CC2D1A: variants seen among roughly 807,000 people sequenced by gnomAD.
CC2D1A encodes the protein coiled-coil and C2 domain containing 1A, also known as coiled-coil and C2 domain-containing protein 1A.
In CC2D1A, 68 loss-of-function variants were observed where a neutral mutation model predicts 123.8. That is an observed-to-expected ratio of 0.55 (90% confidence interval 0.45 to 0.67). The LOEUF is 0.67. CC2D1A is among the 30% of genes least tolerant of loss of function. The pLI is 0.00. For synonymous variants in CC2D1A, 477 were observed against 528.0 expected, an observed-to-expected ratio of 0.90 and a Z score of 1.32; for missense variants, 1,185 against 1,290.3, an observed-to-expected ratio of 0.92 and a Z score of 1.25.
In CC2D1A at chr19:13,918,588, G is replaced by C. The variant is rs1340169987; in HGVS notation, c.946+12G>C. 7.4e-6 allele frequency: 12 copies of C among 1,612,104 alleles called. No individual in the cohort carries two copies. The highest frequency in any genetic ancestry group is 9.3e-6 in the Non-Finnish European group (11 of 1,179,514). ...GCCCCCTCCACCCGGTGAGAACCCT[G>C]CCATGCCCACTCTCTGGGATGGTTT... On this transcript the variant is annotated intron_variant, in intron 8 of 28. Transcript: ENST00000318003.
In CC2D1A at chr19:13,919,211, TGCCCCTGTAGGCCTC is replaced by T. The variant is rs771246873; in HGVS notation, c.1222+15_1222+29del. ...ATTGCCCGTGCCCCCAGGTAGGCCTTGCCCCTGTAGGCCTCGCCCCAGTAGGCCCCGCCCCCGTAG... is the reference window on the plus strand; with the variant it reads ...ATTGCCCGTGCCCCCAGGTAGGCCTTGCCCCAGTAGGCCCCGCCCCCGTAG... On this transcript the variant is annotated intron_variant, in intron 11 of 28. Coordinates refer to ENST00000318003, the MANE Select transcript of CC2D1A (RefSeq NM_017721.5). The T allele has an allele frequency of 1.7e-4, 275 of 1,608,104 alleles. 3 individuals are homozygous for T. In the East Asian group the frequency reaches 5.7e-3, roughly 33 times the overall value.
chr19:13,909,906 C>T lies in CC2D1A; in HGVS notation c.144C>T (p.Phe48=). The T allele has an allele frequency of 3.2e-6, 5 of 1,553,840 alleles. No individual in the cohort carries two copies. Among genetic ancestry groups the T allele is most frequent in the Non-Finnish European group, 4.4e-6 (5 of 1,148,712 alleles). Residue 48 remains phenylalanine (F), a synonymous_variant, in exon 2 of 29, where the codon TTC becomes TTT. Transcript: ENST00000318003. ...GANDEELEAE[F]LALVGGQPPA... is the part of the protein sequence containing the mutation. ...ACGATGAAGAACTGGAGGCTGAGTT[C>T]TTGGCTTTGGTCGGGGGCCAGCCCC... is the stretch of plus-strand genomic sequence containing the variant.
chr19:13,927,105 G>A (rs1009223794), intron 21 of CC2D1A, 28 bp downstream of exon 21: 5 of 1,611,782 alleles, frequency 3.1e-6, no homozygotes, highest in Non-Finnish European at 2.5e-6. Context: ...ATGGCCGCTG[G>A]GTGGGCTCCA....
Position 13,926,875 on chromosome 19 carries a change from G to A in CC2D1A, c.2125+3G>A. ...GATCAAGAACACAGACTCCCCTGGTGAGCCTCGGCTGGAAGCACCCTACCC... is the reference window on the plus strand; with the variant it reads ...GATCAAGAACACAGACTCCCCTGGTAAGCCTCGGCTGGAAGCACCCTACCC... On this transcript the variant is annotated splice_donor_region_variant and intron_variant, in intron 20 of 28. Coordinates refer to ENST00000318003, the MANE Select transcript of CC2D1A (RefSeq NM_017721.5). 1.2e-6 allele frequency: 2 copies of A among 1,614,080 alleles called. No individual in the cohort carries two copies. Among genetic ancestry groups the A allele is most frequent in the South Asian group, 2.2e-5 (2 of 91,082 alleles).
In CC2D1A at chr19:13,930,453, G is replaced by C. The variant is rs369214187; in HGVS notation, c.*58G>C. On this transcript the variant is annotated 3_prime_UTR_variant, in exon 29 of 29. Coordinates refer to ENST00000318003, the MANE Select transcript of CC2D1A (RefSeq NM_017721.5). The surrounding 1 kb of genome is among the most constrained non-coding windows in gnomAD (Gnocchi z 6.8). Reference sequence around the variant, plus strand: ...GGGCAGCAGGCCCCGATACCGGGAAGAGCCGACACAGCCACGAACCAGACA... The same window carrying C: ...GGGCAGCAGGCCCCGATACCGGGAACAGCCGACACAGCCACGAACCAGACA... The C allele has an allele frequency of 6.6e-7, 1 of 1,525,588 alleles. No homozygotes were observed. Among genetic ancestry groups the C allele is most frequent in the East Asian group, 2.3e-5 (1 of 42,940 alleles). 94.5% of individuals were successfully genotyped at this position (1,525,588 alleles called of 1,614,324 possible).
chr19:13,926,901 C>T (rs1234131324), intron 20 of CC2D1A, 29 bp downstream of exon 20: 1 of 1,613,296 alleles, frequency 6.2e-7, no homozygotes, highest in East Asian at 2.2e-5. Context: ...CACCCTACCC[C>T]TACTCCCTTG....
rs201665162 is a variant in CC2D1A, at chr19:13,920,642, C to G, written c.1442C>G (p.Ala481Gly). Reference protein sequence around the residue: ...PQSGSAPTAKAPPKATSTRAQ... With the variant: ...PQSGSAPTAKGPPKATSTRAQ... Reference sequence around the variant, plus strand: ...TCGGGATCAGCCCCAACAGCCAAAGCGCCCCCCAAAGCCACATCCACCAGA... The same window carrying G: ...TCGGGATCAGCCCCAACAGCCAAAGGGCCCCCCAAAGCCACATCCACCAGA... The change falls in exon 13 of 29, where the codon GCG (alanine) becomes GGG (glycine). Residue 481 changes from alanine to glycine, a missense_variant. Transcript: ENST00000318003. The G allele has an allele frequency of 4.3e-6, 7 of 1,610,260 alleles. 1 individual carries two copies. The South Asian group carries it at 7.7e-5, about 18-fold the overall frequency.
chr19:13,928,015 G>A lies in CC2D1A; in HGVS notation c.2439G>A (p.Pro813=), dbSNP rs569026220. 1.5e-4 allele frequency: 234 copies of A among 1,613,588 alleles called. 2 individuals carry two copies. The South Asian group carries it at 2.2e-3, about 15-fold the overall frequency. The change falls in exon 23 of 29, where the codon CCG becomes CCA. Residue 813 remains proline (P), a synonymous_variant. Transcript: ENST00000318003. The part of the protein sequence containing the change: ...TERWLVIDPV[P]AAVPTQVAGP... ...GGTGGCTGGTCATTGACCCTGTGCC[G>A]GCAGCTGTGCCCACAGTGAGACCCC...
chr19:13,917,932 C>T, intron 6 of CC2D1A, 138 bp from the exon 7 acceptor site: 2 of 885,552 alleles, frequency 2.3e-6, no homozygotes, highest in Non-Finnish European at 1.6e-6. Flanking sequence ...GATTGCGCCA[C>T]TGTACCCCAG....
intron 11 of CC2D1A, 85 bp downstream of exon 11, chr19:13,919,287 T>A: frequency 2.8e-6 from 3 of 1,069,342 alleles, no homozygotes; most frequent in East Asian, 2.6e-5. Context: ...TGGCAGGCTG[T>A]GCCCCAAGCT....
intron 26 of CC2D1A, 26 bp downstream of exon 26, chr19:13,929,686 G>C (rs1568423303): frequency 6.7e-7 from 1 of 1,500,960 alleles, no homozygotes; most frequent in African/African-American, 1.6e-5. Context: ...TGGGCATCTG[G>C]TGGGGGAGGA....
chr19:13,910,479 T>C (rs1346642947), intron 2 of CC2D1A, among the ~76,000 whole-genome samples: 1 of 151,420 alleles, frequency 6.6e-6, no homozygotes, highest in Non-Finnish European at 1.5e-5. Flanking sequence ...CTCTGCCACT[T>C]ACTGGTTATG....
chr19:13,906,411 G>A lies in CC2D1A; in HGVS notation c.-31G>A, dbSNP rs1029593101. 3 of 1,504,456 alleles carry A rather than the reference G, an allele frequency of 2.0e-6. No individual in the cohort carries two copies. Among genetic ancestry groups the A allele is most frequent in the African/African-American group, 2.9e-5 (2 of 69,868 alleles). 93.2% of individuals were successfully genotyped at this position (1,504,456 alleles called of 1,614,324 possible). ...GGAGGCAGGGCAAGGCCGGGCTTGGGGGCAGGTGGTCCGGGCATCCAGCCT... is the reference window on the plus strand; with the variant it reads ...GGAGGCAGGGCAAGGCCGGGCTTGGAGGCAGGTGGTCCGGGCATCCAGCCT... On this transcript the variant is annotated 5_prime_UTR_variant, in exon 1 of 29. Coordinates refer to ENST00000318003, the MANE Select transcript of CC2D1A (RefSeq NM_017721.5). The surrounding 1 kb of genome is among the most constrained non-coding windows in gnomAD (Gnocchi z 4.1).
Position 13,929,586 on chromosome 19 carries a change from A to C in CC2D1A, c.2636A>C (p.Gln879Pro). The C allele has an allele frequency of 6.2e-7, 1 of 1,607,454 alleles. No homozygotes were observed. Among genetic ancestry groups the C allele is most frequent in the South Asian group, 1.1e-5 (1 of 90,696 alleles). ...CCGGTGCCCCCAGAAGTGGCCCAGC[A>C]GTACCAGGACATCATGCAACGCAGC... ...RRPVPPEVAQ[Q>P]YQDIMQRSQW... The change falls in exon 26 of 29, where the codon CAG (glutamine) becomes CCG (proline). Residue 879 changes from glutamine to proline, a missense_variant. By Grantham distance (76) the Gln-to-Pro change is moderately conservative. Coordinates refer to ENST00000318003, the MANE Select transcript of CC2D1A (RefSeq NM_017721.5).
Position 13,926,525 on chromosome 19 carries a change from C to T in CC2D1A, c.1949C>T (p.Pro650Leu). The change falls in exon 18 of 29, where the codon CCT becomes CTT. Residue 650 changes from proline to leucine, a missense_variant. Physicochemically the swap from Pro to Leu is moderately conservative, Grantham distance 98. Transcript: ENST00000318003. Reference protein sequence around the residue: ...QRTFSVIKIFPDLSSNDMLLF... With the variant: ...QRTFSVIKIFLDLSSNDMLLF... ...ACCTGCCCACCCGGAAGGATCTTCC[C>T]TGACCTCAGCAGCAACGACATGCTC... 6.2e-7 allele frequency: 1 copy of T among 1,614,044 alleles called. No homozygotes were observed. The highest frequency in any genetic ancestry group is 8.5e-7 in the Non-Finnish European group (1 of 1,179,972).
chr19:13,913,744 A>G (rs1036773902), intron 6 of CC2D1A, 106 bp downstream of exon 6: 11 of 828,988 alleles, frequency 1.3e-5, no homozygotes, highest in Non-Finnish European at 1.8e-5. Flanking sequence ...GATATTTTCA[A>G]CACCCTGAGT....
intron 10 of CC2D1A, 31 bp from the exon 11 acceptor site, chr19:13,919,099 C>T (rs1568411912): frequency 1.2e-6 from 2 of 1,604,352 alleles, no homozygotes; most frequent in African/African-American, 1.3e-5. Flanking sequence ...AGCCCTCCCA[C>T]AGGCAGCCCT....
chr19:13,912,050 C>T (rs371555932), intron 2 of CC2D1A, among the ~76,000 whole-genome samples: 28 of 152,184 alleles, frequency 1.8e-4, no homozygotes, highest in East Asian at 1.4e-3. Flanking sequence ...AGGGTTTCAC[C>T]ATGTTGGCCA....
Position 13,919,917 on chromosome 19 carries a change from G to A in CC2D1A, c.1322G>A (p.Gly441Asp). 6.2e-7 allele frequency: 1 copy of A among 1,613,288 alleles called. No homozygotes were observed. The highest frequency in any genetic ancestry group is 8.5e-7 in the Non-Finnish European group (1 of 1,179,822). The change falls in exon 12 of 29, where the codon GGC becomes GAC. Residue 441 changes from glycine to aspartate, a missense_variant. Gly to Asp is a moderately conservative substitution (Grantham distance 94). Transcript: ENST00000318003. ...TAMKLANQDE[G>D]PEDEEDEVPK... ...ATGAAGCTGGCCAACCAGGATGAAG[G>A]CCCAGAGGATGAAGAGGATGAGGTG...
Sources: allele counts gnomAD v4.1 joint callset (sites outside exome capture counted in the v4.1 genomes callset), GRCh38; gene constraint gnomAD v4.1.1; non-coding constraint Gnocchi (gnomAD v3.1); transcripts MANE v1.5; gene names NCBI Gene and HGNC (gene_info 2026-07-23, HGNC 2026-07-21).